CELA3A: variants seen among roughly 807,000 people sequenced by gnomAD.
CELA3A encodes chymotrypsin like elastase 3A.
Under a neutral mutation model 38.6 loss-of-function variants are expected in CELA3A, and 35 were observed. The observed-to-expected ratio is 0.91, with a 90% CI of 0.69 to 1.20. CELA3A has a LOEUF of 1.20. CELA3A is among the 50% of genes most tolerant of loss of function. The pLI is 0.00. For synonymous variants in CELA3A, 143 were observed against 136.7 expected (o/e 1.05, Z -0.32); for missense variants, 343 against 354.2 (o/e 0.97, Z 0.25).
chr1:22,009,288 C>G lies in CELA3A; in HGVS notation c.643-417C>G, dbSNP rs1007585526. Among the ~76,000 whole-genome samples the G allele has an allele frequency of 2.4e-4, 36 of 151,320 alleles. 1 individual carries two copies. The highest frequency in any genetic ancestry group is 8.6e-4 in the African/African-American group (35 of 40,894). On this transcript the variant is annotated intron_variant, in intron 6 of 7. Transcript: ENST00000290122. ...CTGAGGCAGGAGAATGGCGTGAACCCTGGAGGCAGAGCTTGCAGTGAGCTG... is the reference window on the plus strand; with the variant it reads ...CTGAGGCAGGAGAATGGCGTGAACCGTGGAGGCAGAGCTTGCAGTGAGCTG...
chr1:22,010,180 G>A (rs952375294), intron 7 of CELA3A: 24 of 393,540 alleles, frequency 6.1e-5, no homozygotes, highest in Non-Finnish European at 1.0e-4. Flanking sequence ...GCCTGGTGGG[G>A]GACAGGTGAT....
In CELA3A at chr1:22,006,872, C is replaced by T. The variant is rs1190371398; in HGVS notation, c.363-6C>T. 1.6e-5 allele frequency: 26 copies of T among 1,611,698 alleles called. 1 individual carries two copies. Among genetic ancestry groups the T allele is most frequent in the Non-Finnish European group, 2.2e-5 (26 of 1,178,992 alleles). ...CCAGGCCCCGTGACTGTTCCCTCCT[C>T]CCCAGCAATGACATCGCCCTCATCA... On this transcript the variant is annotated splice_polypyrimidine_tract_variant and splice_region_variant and intron_variant, in intron 4 of 7. Transcript: ENST00000290122.
chr1:22,002,624 T>C (rs1247937828), intron 1 of CELA3A: 2 of 457,848 alleles, frequency 4.4e-6, no homozygotes, highest in South Asian at 3.1e-5. Flanking sequence ...ATTACAGGTG[T>C]GAACCACCAC....
At chr1:22,008,655 A>C (rs1569873640) in intron 6 of CELA3A, among the ~76,000 whole-genome samples, 1 of 150,526 alleles carries the variant, frequency 6.6e-6, no homozygotes, top group East Asian at 2.0e-4. Context: ...GCTACTCGGG[A>C]GGCTGAGGCA....
At chr1:22,005,582 C>G in intron 3 of CELA3A, 38 bp downstream of exon 3, 1 of 1,612,300 alleles carries the variant, frequency 6.2e-7, no homozygotes, top group Non-Finnish European at 8.5e-7. Context: ...TGGCCCTGGG[C>G]AGCGGGGGAG....
chr1:22,004,927 C>G (rs1644940234), intron 2 of CELA3A, among the ~76,000 whole-genome samples: 1 of 151,032 alleles, frequency 6.6e-6, no homozygotes, highest in South Asian at 2.1e-4. Flanking sequence ...TGGTGAAACT[C>G]CGTGTCTACT....
intron 6 of CELA3A, among the ~76,000 whole-genome samples, chr1:22,008,395 C>T (rs540196772): frequency 8.6e-5 from 13 of 151,032 alleles, no homozygotes; most frequent in Admixed American, 7.9e-4. Flanking sequence ...AAGTAATCCT[C>T]CTGCCTTGGC....
At position 22,007,388 on chromosome 1, in the gene CELA3A, C is replaced by T. The variant is rs776440066; in HGVS notation, c.515C>T (p.Pro172Leu). 4 of 1,611,690 alleles carry T rather than the reference C, an allele frequency of 2.5e-6. No homozygotes were observed. The Admixed American group carries it at 6.7e-5, about 27-fold the overall frequency. The change falls in exon 6 of 8, where the codon CCA becomes CTA. Residue 172 changes from proline to leucine, a missense_variant. By Grantham distance (98) the Pro-to-Leu change is moderately conservative. Transcript: ENST00000290122. ...ATCCTTGCAGCCAATGGGCCACTCC[C>T]AGACAAGCTGCAGCAGGCCCGGCTG... Reference protein sequence around the residue: ...WGRLYTNGPLPDKLQQARLPV... With the variant: ...WGRLYTNGPLLDKLQQARLPV...
intron 1 of CELA3A, among the ~76,000 whole-genome samples, 186 bp from the exon 2 acceptor site, chr1:22,002,817 A>T (rs567266293): frequency 6.6e-6 from 1 of 151,410 alleles, no homozygotes; most frequent in East Asian, 1.9e-4. Flanking sequence ...GACTCCTGGG[A>T]TTCTGGAAAG....
Position 22,012,250 on chromosome 1 carries a change from C to G in CELA3A, c.796-200C>G, listed in dbSNP as rs1039986151. On this transcript the variant is annotated intron_variant, in intron 7 of 7. Coordinates refer to ENST00000290122, the MANE Select transcript of CELA3A (RefSeq NM_005747.5). ...TTTGTGCTGGGCATTGTAAAGAGAA[C>G]CTTAGTTAACAATTTAATCAAGAAC... Among the ~76,000 whole-genome samples the G allele has an allele frequency of 3.2e-5, 4 of 125,730 alleles. 1 individual carries two copies. Among genetic ancestry groups the G allele is most frequent in the Non-Finnish European group, 3.3e-5 (2 of 61,408 alleles). The allele number at this position is 125,730 out of a possible 152,430, so 82.5% of individuals were successfully genotyped here.
intron 2 of CELA3A, among the ~76,000 whole-genome samples, chr1:22,004,583 GAC>G (rs2152819303): frequency 6.6e-6 from 1 of 151,942 alleles, no homozygotes; most frequent in South Asian, 2.1e-4. Context: ...CATGAAAGCA[GAC>G]ACAAACAATA....
At chr1:22,007,117 C>G in intron 5 of CELA3A, 103 bp downstream of exon 5, 1 of 1,496,410 alleles carries the variant, frequency 6.7e-7, no homozygotes, top group Non-Finnish European at 9.0e-7. Context: ...TTGTACTTTT[C>G]TCCCATTTCT....
chr1:22,008,902 T>A (rs1321478973), intron 6 of CELA3A, among the ~76,000 whole-genome samples: 2 of 151,972 alleles, frequency 1.3e-5, no homozygotes, highest in Admixed American at 1.3e-4. Flanking sequence ...GTGCATCATC[T>A]CATGTAATTC....
At chr1:22,004,273 A>G (rs1569866257) in intron 2 of CELA3A, among the ~76,000 whole-genome samples, 1 of 149,924 alleles carries the variant, frequency 6.7e-6, no homozygotes, top group Non-Finnish European at 1.5e-5. Flanking sequence ...GGGTCTCACT[A>G]TGTTGCCCAG....
At chr1:22,009,503 G>C (rs1644970572) in intron 6 of CELA3A, among the ~76,000 whole-genome samples, 1 of 151,502 alleles carries the variant, frequency 6.6e-6, no homozygotes, top group Non-Finnish European at 1.5e-5. Context: ...AATGAGCCAA[G>C]CTTGCGCCAC....
Position 22,007,407 on chromosome 1 carries a change from C to T in CELA3A, c.534C>T (p.Ala178=), listed in dbSNP as rs766512916. Residue 178 remains alanine (A), a synonymous_variant, in exon 6 of 8, where the codon GCC becomes GCT. Coordinates refer to ENST00000290122, the MANE Select transcript of CELA3A (RefSeq NM_005747.5). The part of the protein sequence containing the change: ...NGPLPDKLQQ[A]RLPVVDYKHC... ...CACTCCCAGACAAGCTGCAGCAGGC[C>T]CGGCTGCCCGTGGTGGACTATAAGC... The T allele has an allele frequency of 1.2e-6, 2 of 1,612,312 alleles. No homozygotes were observed. The highest frequency in any genetic ancestry group is 1.1e-5 in the South Asian group (1 of 90,982).
intron 1 of CELA3A, chr1:22,002,548 G>C: frequency 2.4e-6 from 1 of 418,162 alleles, no homozygotes; most frequent in Non-Finnish European, 4.8e-6. Context: ...TTGCTATGTT[G>C]CCCAGGCTGG....
intron 6 of CELA3A, among the ~76,000 whole-genome samples, chr1:22,008,095 A>G (rs1443399999): frequency 3.4e-5 from 5 of 147,288 alleles, no homozygotes; most frequent in Non-Finnish European, 7.5e-5. Context: ...TCAAGCTCAC[A>G]GTGGCTATGA....
intron 6 of CELA3A, among the ~76,000 whole-genome samples, chr1:22,008,690 T>C (rs58164289): frequency 1.4e-5 from 2 of 147,818 alleles, no homozygotes; most frequent in African/African-American, 2.5e-5. Flanking sequence ...ACCCAGGAGT[T>C]GGAGCTTGCC....
Sources: allele counts gnomAD v4.1 joint callset (sites outside exome capture counted in the v4.1 genomes callset), GRCh38; gene constraint gnomAD v4.1.1; transcripts MANE v1.5; gene names NCBI Gene and HGNC (gene_info 2026-07-23, HGNC 2026-07-21).